PLEKHH2: variants seen among roughly 807,000 people sequenced by gnomAD.
The protein encoded by PLEKHH2 is pleckstrin homology domain-containing family H member 2.
A neutral mutation model predicts 187.9 loss-of-function variants in PLEKHH2; 129 were observed. That is an observed-to-expected ratio of 0.69 (90% CI 0.59 to 0.79). PLEKHH2 has a LOEUF of 0.79. Ranked by LOEUF, PLEKHH2 falls within the 30% of genes least tolerant of loss-of-function variation. PLEKHH2 has a pLI of 0.00. For synonymous variants in PLEKHH2, 686 were observed against 605.6 expected, an observed-to-expected ratio of 1.13 and a Z score of -1.95; for missense variants, 2,076 against 1,751.2, an observed-to-expected ratio of 1.19 and a Z score of -3.31.
intron 2 of PLEKHH2, among the ~76,000 whole-genome samples, chr2:43,651,853 G>C (rs1300265521): frequency 6.6e-6 from 1 of 152,162 alleles, no homozygotes; most frequent in Admixed American, 6.5e-5. Flanking sequence ...TTTTTAAAAA[G>C]TTATCTTCTG....
rs1416913853 is a variant in PLEKHH2, at chr2:43,700,103, C to A, written c.1145C>A (p.Ser382Tyr). 2 of 1,614,118 alleles carry A rather than the reference C, an allele frequency of 1.2e-6. No homozygotes were observed. The highest frequency in any genetic ancestry group is 2.2e-5 in the South Asian group (2 of 91,060). The change falls in exon 8 of 30, where the codon TCC becomes TAC. Residue 382 changes from serine (S) to tyrosine (Y), a missense_variant. Transcript: ENST00000282406. ...TTAAGTAAAAAGGAACAAGATAGTT[C>A]CTCGGATGAACTGAATAAAAAATTT... ...SELSKKEQDS[S>Y]SDELNKKFQS...
In PLEKHH2 at chr2:43,706,344, T is replaced by C; in HGVS notation, c.1749T>C (p.Tyr583=). Residue 583 remains tyrosine, a synonymous_variant, in exon 10 of 30, where the codon TAT becomes TAC. Transcript: ENST00000282406. ...VNKNSAATLS[Y]TTSGLYTSLI... ...CAGATTCTGCTGCAACCCTTTCCTA[T>C]ACTACATCAGGACTTTATACATCTC... 1 of 1,609,164 alleles carries C rather than the reference T, an allele frequency of 6.2e-7. No individual in the cohort carries two copies. Among genetic ancestry groups the C allele is most frequent in the Non-Finnish European group, 8.5e-7 (1 of 1,175,886 alleles).
intron 24 of PLEKHH2, among the ~76,000 whole-genome samples, chr2:43,751,912 TTC>T (rs1225988506): frequency 1.3e-5 from 2 of 151,280 alleles, no homozygotes; most frequent in East Asian, 1.9e-4. Context: ...CCAGTATTGT[TTC>T]TCTCTCTCTC....
At chr2:43,648,989 G>T (rs879526044) in intron 2 of PLEKHH2, among the ~76,000 whole-genome samples, 1 of 152,156 alleles carries the variant, frequency 6.6e-6, no homozygotes, top group African/African-American at 2.4e-5. Flanking sequence ...AATTATATAT[G>T]CCCTATATTT....
rs1010001257 is a variant in PLEKHH2, at chr2:43,681,092, A to G, written c.186+2167A>G. 1.8e-5 allele frequency: 20 copies of G among 1,100,004 alleles called. No individual in the cohort carries two copies. The African/African-American group carries it at 2.2e-4, about 12-fold the overall frequency. The allele number at this position is 1,100,004 out of a possible 1,614,324, so 68.1% of individuals were successfully genotyped here. A position where few individuals can be genotyped will look rare whatever the true frequency, so the allele number is the denominator to read the frequency against. On this transcript the variant is annotated intron_variant, in intron 3 of 29. Transcript: ENST00000282406. ...CTACTGTTCCACTATTTGAATGCCA[A>G]CCAACTCCAGAATTACTATGGTTGT...
chr2:43,691,124 C>G (rs1419576668), intron 3 of PLEKHH2, among the ~76,000 whole-genome samples: 2 of 152,226 alleles, frequency 1.3e-5, no homozygotes, highest in Non-Finnish European at 2.9e-5. Flanking sequence ...TTACCCTGTT[C>G]TGTTTTTTTC....
intron 24 of PLEKHH2, among the ~76,000 whole-genome samples, chr2:43,749,133 C>T (rs966558222): frequency 6.6e-6 from 1 of 152,112 alleles, no homozygotes; most frequent in East Asian, 1.9e-4. Flanking sequence ...ATGATTGGAA[C>T]TGAAGTGAAA....
At chr2:43,743,791 A>T (rs749196678) in intron 22 of PLEKHH2, 43 bp from the exon 23 acceptor site, 3 of 1,545,876 alleles carry the variant, frequency 1.9e-6, no homozygotes, top group Non-Finnish European at 2.7e-6. Flanking sequence ...GTTTGAAACT[A>T]TATATTTCTT....
Position 43,756,150 on chromosome 2 carries a change from T to A in PLEKHH2, c.3796-969T>A, listed in dbSNP as rs546648724. Among the ~76,000 whole-genome samples the A allele has an allele frequency of 7.2e-5, 11 of 152,272 alleles. No homozygotes were observed. In the South Asian group the frequency reaches 2.3e-3, roughly 32 times the overall value. ...ACTGTATATCCTGGGAAGGACTCTA[T>A]TCCCGGGATTAATGCTAGTAGAATG... On this transcript the variant is annotated intron_variant, in intron 25 of 29. Transcript: ENST00000282406.
At chr2:43,681,328 C>G in intron 3 of PLEKHH2, 1 of 1,007,060 alleles carries the variant, frequency 9.9e-7, no homozygotes, top group Non-Finnish European at 1.5e-6. Context: ...ATTTGGTGTT[C>G]TCAGCTCCAT....
chr2:43,650,738 C>T (rs1428315538), intron 2 of PLEKHH2, among the ~76,000 whole-genome samples: 5 of 151,698 alleles, frequency 3.3e-5, no homozygotes, highest in East Asian at 1.9e-4. Context: ...CTCCACCTCC[C>T]GGGTTCAAGC....
At chr2:43,752,589 A>G (rs942837235) in intron 24 of PLEKHH2, among the ~76,000 whole-genome samples, 2 of 152,194 alleles carry the variant, frequency 1.3e-5, no homozygotes, top group Non-Finnish European at 2.9e-5. Flanking sequence ...AGTTATAGCC[A>G]AACTGAGCAC....
At position 43,762,293 on chromosome 2, in the gene PLEKHH2, C is replaced by T. The variant is rs778901972; in HGVS notation, c.4072-11C>T. ...GTATTTATAATATAGTGTATTTTCA[C>T]CTCTTCATAGCCCATAACTCCATCA... On this transcript the variant is annotated splice_polypyrimidine_tract_variant and intron_variant, in intron 27 of 29. Coordinates refer to ENST00000282406, the MANE Select transcript of PLEKHH2 (RefSeq NM_172069.4). 6.3e-7 allele frequency: 1 copy of T among 1,592,794 alleles called. No individual in the cohort carries two copies. Among genetic ancestry groups the T allele is most frequent in the Admixed American group, 1.7e-5 (1 of 59,878 alleles).
intron 2 of PLEKHH2, chr2:43,676,377 T>C (rs2104416309): frequency 7.0e-7 from 1 of 1,430,374 alleles, no homozygotes; most frequent in Non-Finnish European, 9.4e-7. Context: ...GACCGGGTCC[T>C]GGGGTCCCGC....
intron 24 of PLEKHH2, among the ~76,000 whole-genome samples, chr2:43,753,356 T>C (rs997074741): frequency 3.3e-5 from 5 of 152,334 alleles, no homozygotes; most frequent in East Asian, 1.9e-4. Flanking sequence ...TGTCTTTTCA[T>C]TGGTGTATTT....
intron 2 of PLEKHH2, among the ~76,000 whole-genome samples, chr2:43,650,107 A>C (rs1264113786): frequency 6.9e-6 from 1 of 143,984 alleles, no homozygotes; most frequent in East Asian, 2.0e-4. Context: ...AAAGCCTGAT[A>C]TGGGACCATA....
At chr2:43,716,029 A>G (rs748920882) in intron 15 of PLEKHH2, among the ~76,000 whole-genome samples, 4 of 152,180 alleles carry the variant, frequency 2.6e-5, no homozygotes, top group African/African-American at 4.8e-5. Flanking sequence ...AGAAGAAGGT[A>G]CGTTGCCTTC....
Position 43,745,879 on chromosome 2 carries a change from T to G in PLEKHH2, c.3569T>G (p.Ile1190Ser). The G allele has an allele frequency of 6.2e-7, 1 of 1,609,322 alleles. No homozygotes were observed. The highest frequency in any genetic ancestry group is 8.5e-7 in the Non-Finnish European group (1 of 1,176,756). ...CTTCCTTTCTAGATTTGTGACATTA[T>G]TTCCAAATGGGAACAGGCTTCCAAA... The part of the protein sequence containing the change: ...LQGNIKICDI[I>S]SKWEQASKEQ... Residue 1190 changes from isoleucine to serine, a missense_variant, in exon 24 of 30, where the codon ATT (isoleucine) becomes AGT (serine). By Grantham distance (142) the Ile-to-Ser change is moderately radical. Coordinates refer to ENST00000282406, the MANE Select transcript of PLEKHH2 (RefSeq NM_172069.4).
At chr2:43,706,258 A>G in intron 9 of PLEKHH2, 64 bp from the exon 10 acceptor site, 1 of 1,125,136 alleles carries the variant, frequency 8.9e-7, no homozygotes. Context: ...TGTATTCATA[A>G]GAAAAAGACC....
Sources: allele counts gnomAD v4.1 joint callset (sites outside exome capture counted in the v4.1 genomes callset), GRCh38; gene constraint gnomAD v4.1.1; transcripts MANE v1.5; gene names NCBI Gene and HGNC (gene_info 2026-07-23, HGNC 2026-07-21).